Variants in CTNNA3 observed in about 807,000 individuals in gnomAD.
CTNNA3 encodes catenin alpha 3, also known as catenin alpha-3.
Under a neutral mutation model 95.7 loss-of-function variants are expected in CTNNA3, and 76 were observed. That is an observed-to-expected ratio of 0.79 (90% CI 0.66 to 0.96). The LOEUF is 0.96. CTNNA3 is among the 40% of genes least tolerant of loss of function. The probability of loss-of-function intolerance (pLI) is 0.00; values close to 1 mark genes in which losing one functional copy is unlikely to be tolerated. For missense variants in CTNNA3, 1,191 were observed against 1,089.8 expected, an observed-to-expected ratio of 1.09 and a Z score of -1.31; for synonymous variants, 431 against 374.4, an observed-to-expected ratio of 1.15 and a Z score of -1.74.
intron 11 of CTNNA3, among the ~76,000 whole-genome samples, chr10:66,467,701 G>GC (rs1838973956): frequency 6.6e-6 from 1 of 151,980 alleles, no homozygotes; most frequent in Non-Finnish European, 1.5e-5. Flanking sequence ...AAGCCAACCC[G>GC]CATAAAAGGG....
chr10:66,516,643 G>A (rs1264368953), intron 11 of CTNNA3, among the ~76,000 whole-genome samples: 1 of 152,138 alleles, frequency 6.6e-6, no homozygotes, highest in Admixed American at 6.5e-5. Flanking sequence ...CTGGCTTCTA[G>A]TCAGTTGTTA....
At chr10:67,097,259 T>C (rs969288996) in intron 7 of CTNNA3, among the ~76,000 whole-genome samples, 1 of 151,924 alleles carries the variant, frequency 6.6e-6, no homozygotes, top group Admixed American at 6.6e-5. Context: ...TTATCAGTTC[T>C]AAAAACACAA....
intron 3 of CTNNA3, among the ~76,000 whole-genome samples, chr10:67,557,680 T>C (rs1589422632): frequency 6.6e-6 from 1 of 152,254 alleles, no homozygotes; most frequent in East Asian, 1.9e-4. Flanking sequence ...TCTAACTAAT[T>C]TAAAAGGTAA....
chr10:67,716,869 T>A (rs950257294), intron 1 of CTNNA3, among the ~76,000 whole-genome samples: 2 of 152,232 alleles, frequency 1.3e-5, no homozygotes, highest in African/African-American at 2.4e-5. Flanking sequence ...ATGGTATTTC[T>A]GGTTCTAGAT....
intron 5 of CTNNA3, among the ~76,000 whole-genome samples, chr10:67,375,775 A>G (rs926319564): frequency 6.6e-6 from 1 of 152,214 alleles, no homozygotes; most frequent in African/African-American, 2.4e-5. Context: ...CTTCTGGCTA[A>G]CAAAACCTGA....
intron 13 of CTNNA3, among the ~76,000 whole-genome samples, chr10:66,187,496 G>A (rs1460195667): frequency 6.6e-6 from 1 of 151,272 alleles, no homozygotes; most frequent in African/African-American, 2.4e-5. Context: ...ATCTCTAGAT[G>A]ATGTTGAGCT....
chr10:66,071,741 G>T (rs2080438544), intron 14 of CTNNA3, among the ~76,000 whole-genome samples: 1 of 152,124 alleles, frequency 6.6e-6, no homozygotes, highest in South Asian at 2.1e-4. Flanking sequence ...CTGACAGGCT[G>T]TTTTGGACAT....
At chr10:67,179,540 A>G (rs1319257121) in intron 7 of CTNNA3, among the ~76,000 whole-genome samples, 1 of 151,150 alleles carries the variant, frequency 6.6e-6, no homozygotes, top group Non-Finnish European at 1.5e-5. Flanking sequence ...TTTGAAAAAG[A>G]TTAAGAGCTG....
At chr10:67,447,400 AG>A (rs1846795277) in intron 5 of CTNNA3, among the ~76,000 whole-genome samples, 1 of 152,224 alleles carries the variant, frequency 6.6e-6, no homozygotes, top group Non-Finnish European at 1.5e-5. Context: ...CAATGATAAA[AG>A]TGTTTTCTTT....
intron 7 of CTNNA3, among the ~76,000 whole-genome samples, chr10:66,939,094 C>T (rs995547299): frequency 1.3e-5 from 2 of 152,140 alleles, no homozygotes; most frequent in African/African-American, 4.8e-5. Context: ...GTCTTGGCCT[C>T]TGATTTTACG....
chr10:67,232,262 A>C (rs1056313151), intron 5 of CTNNA3, among the ~76,000 whole-genome samples: 1 of 152,232 alleles, frequency 6.6e-6, no homozygotes, highest in African/African-American at 2.4e-5. Context: ...AGCCAGAGAC[A>C]AAGCTTGGGT....
chr10:66,991,884 C>G (rs974428691), intron 7 of CTNNA3, among the ~76,000 whole-genome samples: 7 of 152,084 alleles, frequency 4.6e-5, no homozygotes, highest in African/African-American at 1.4e-4. Flanking sequence ...CCAAAGAAAT[C>G]TCATTCTAGA....
intron 10 of CTNNA3, among the ~76,000 whole-genome samples, chr10:66,556,524 C>A (rs986879588): frequency 2.6e-5 from 4 of 152,000 alleles, no homozygotes; most frequent in Non-Finnish European, 5.9e-5. Flanking sequence ...TATATATATA[C>A]ACACAGTGAA....
chr10:66,083,013 C>G (rs10822706), intron 14 of CTNNA3, among the ~76,000 whole-genome samples: 24,236 of 148,580 alleles, frequency 0.16, 2,338 homozygotes, highest in South Asian at 0.36. Context: ...GAGTCCCTTC[C>G]CTAAAGGAAA....
chr10:67,182,181 A>G (rs925845562), intron 6 of CTNNA3, among the ~76,000 whole-genome samples: 29 of 151,920 alleles, frequency 1.9e-4, no homozygotes, highest in African/African-American at 6.8e-4. Flanking sequence ...ACAGAATTGG[A>G]AAAAACTACT....
At chr10:66,652,493 T>G (rs1845946156) in intron 9 of CTNNA3, among the ~76,000 whole-genome samples, 1 of 151,922 alleles carries the variant, frequency 6.6e-6, no homozygotes, top group Non-Finnish European at 1.5e-5. Context: ...ATTAAATCAG[T>G]AATAAAAAGT....
At chr10:66,001,603 C>T (rs2078770341) in intron 15 of CTNNA3, among the ~76,000 whole-genome samples, 1 of 152,084 alleles carries the variant, frequency 6.6e-6, no homozygotes, top group Admixed American at 6.6e-5. Flanking sequence ...GCATTTGTCA[C>T]ATGGTAAGGA....
intron 7 of CTNNA3, among the ~76,000 whole-genome samples, chr10:67,178,196 G>A (rs1862335603): frequency 6.6e-6 from 1 of 152,018 alleles, no homozygotes; most frequent in African/African-American, 2.4e-5. Flanking sequence ...CCCTGGGGTG[G>A]GTCAGGGTCA....
intron 7 of CTNNA3, among the ~76,000 whole-genome samples, chr10:67,033,774 T>C (rs1406477412): frequency 6.6e-6 from 1 of 152,088 alleles, no homozygotes; most frequent in Non-Finnish European, 1.5e-5. Flanking sequence ...GTATAGTGTT[T>C]CTTTTTGTTT....
Sources: allele counts gnomAD v4.1 joint callset (sites outside exome capture counted in the v4.1 genomes callset), GRCh38; gene constraint gnomAD v4.1.1; transcripts MANE v1.5; gene names NCBI Gene and HGNC (gene_info 2026-07-23, HGNC 2026-07-21).